ZEB2: variants seen among roughly 807,000 people sequenced by gnomAD.
ZEB2 encodes zinc finger E-box binding homeobox 2, also known as zinc finger E-box-binding homeobox 2.
A neutral mutation model predicts 99.9 loss-of-function variants in ZEB2; 6 were observed. That is an observed-to-expected ratio of 0.06 (90% CI 0.03 to 0.12). The LOEUF (loss-of-function observed/expected upper bound fraction) is 0.12. ZEB2 is among the 10% of genes least tolerant of loss of function. The pLI, the probability that ZEB2 is intolerant of heterozygous loss-of-function variation, is 1.00. For synonymous variants in ZEB2, 517 were observed against 542.5 expected, an observed-to-expected ratio of 0.95 and a Z score of 0.65; for missense variants, 969 against 1,502.8, an observed-to-expected ratio of 0.64 and a Z score of 5.87.
chr2:144,436,892 G>T (rs998505473), intron 2 of ZEB2, among the ~76,000 whole-genome samples: 1 of 152,062 alleles, frequency 6.6e-6, no homozygotes, highest in East Asian at 1.9e-4. Context: ...AAGAAGACAC[G>T]GTATTTCTAG....
chr2:144,511,793 A>T (rs1246375097), intron 2 of ZEB2: 1 of 1,286,612 alleles, frequency 7.8e-7, no homozygotes, highest in African/African-American at 1.5e-5. Flanking sequence ...TGCTAAAGAC[A>T]GAAAAGAAGT....
chr2:144,403,993 G>A lies in ZEB2; in HGVS notation c.730C>T (p.Pro244Ser), dbSNP rs730881190. ...TAGGCAAACGTGTAGCTACAGAGAG[G>A]GCAGGAAAAGTTCTCTTCATTCTTC... ...HEKNEENFSC[P>S]LCSYTFAYRT... The change falls in exon 6 of 10, where the codon CCT becomes TCT. Residue 244 changes from proline (P) to serine (S), a missense_variant. By Grantham distance (74) the Pro-to-Ser change is moderately conservative. Transcript: ENST00000627532. 1 of 1,614,084 alleles carries A rather than the reference G, an allele frequency of 6.2e-7. No individual in the cohort carries two copies. The highest frequency in any genetic ancestry group is 8.5e-7 in the Non-Finnish European group (1 of 1,180,018).
At chr2:144,408,249 A>G (rs559265345) in intron 4 of ZEB2, among the ~76,000 whole-genome samples, 3 of 152,308 alleles carry the variant, frequency 2.0e-5, no homozygotes, top group African/African-American at 7.2e-5. Flanking sequence ...TTATGGGATG[A>G]ATGTGGAATA....
intron 2 of ZEB2, among the ~76,000 whole-genome samples, chr2:144,467,506 A>G (rs1397456517): frequency 1.3e-5 from 2 of 152,186 alleles, no homozygotes; most frequent in African/African-American, 2.4e-5. Context: ...GCATCAATAT[A>G]CTAAATGTTA....
chr2:144,452,685 A>G (rs552312347), intron 2 of ZEB2, among the ~76,000 whole-genome samples: 2 of 152,112 alleles, frequency 1.3e-5, no homozygotes, highest in African/African-American at 2.4e-5. Flanking sequence ...CGCCAACCTG[A>G]TAACTCTCAC....
At chr2:144,393,383 T>G (rs967068577) in intron 9 of ZEB2, among the ~76,000 whole-genome samples, 1 of 152,222 alleles carries the variant, frequency 6.6e-6, no homozygotes, top group Non-Finnish European at 1.5e-5. Context: ...CGATTCTATA[T>G]GTAAAATTGT....
In ZEB2 at chr2:144,429,770, T is replaced by G; in HGVS notation, c.330A>C (p.Pro110=). ...NEILQASVDG[P]EEMKEDYDTM... ...GGCCAAGTGATTTTAGACACTTACC[T>G]GGACCATCTACAGAGGCTTGTAGAA... is the stretch of plus-strand genomic sequence containing the variant. The change falls in exon 3 of 10, where the codon CCA becomes CCC. Residue 110 remains proline (P), a splice_region_variant and synonymous_variant. Coordinates refer to ENST00000627532, the MANE Select transcript of ZEB2 (RefSeq NM_014795.4). 6.2e-7 allele frequency: 1 copy of G among 1,613,822 alleles called. No individual in the cohort carries two copies. The highest frequency in any genetic ancestry group is 8.5e-7 in the Non-Finnish European group (1 of 1,179,780).
intron 2 of ZEB2, chr2:144,430,487 C>T: frequency 9.9e-6 from 2 of 202,984 alleles, no homozygotes; most frequent in South Asian, 9.5e-5. Context: ...ACAGTAGACA[C>T]ACACACACAC....
intron 2 of ZEB2, among the ~76,000 whole-genome samples, chr2:144,497,470 T>C (rs892183545): frequency 5.3e-5 from 8 of 152,172 alleles, no homozygotes; most frequent in African/African-American, 1.9e-4. Context: ...AGAAAGGACC[T>C]GATGACATAC....
At chr2:144,483,148 A>ACACACACACACACACACACACATG (rs1553968381) in intron 2 of ZEB2, among the ~76,000 whole-genome samples, 1 of 144,006 alleles carries the variant, frequency 6.9e-6, no homozygotes, top group African/African-American at 2.5e-5. Flanking sequence ...ACACACACAC[A>ACACACACACACACACACACACATG]CACACACACA....
intron 6 of ZEB2, among the ~76,000 whole-genome samples, chr2:144,403,643 T>A (rs1703342678): frequency 6.6e-6 from 1 of 152,172 alleles, no homozygotes; most frequent in South Asian, 2.1e-4. Context: ...TCACTTTTTG[T>A]GGAACATAAA....
chr2:144,498,290 T>C (rs1469209274), intron 2 of ZEB2, among the ~76,000 whole-genome samples: 1 of 149,592 alleles, frequency 6.7e-6, no homozygotes, highest in African/African-American at 2.5e-5. Flanking sequence ...TCGCGCTCTA[T>C]TGACATCTGT....
At position 144,387,605 on chromosome 2, in the gene ZEB2, T is replaced by C. The variant is rs1250017841; in HGVS notation, c.*1846A>G. 2.0e-5 allele frequency: 3 copies of C among 152,198 alleles called. No homozygotes were observed. The highest frequency in any genetic ancestry group is 6.5e-5 in the Admixed American group (1 of 15,274). 9.4% of individuals were successfully genotyped at this position (152,198 alleles called of 1,614,324 possible). ...AACTATCCCAATCCTTTAAAAAAGG[T>C]TACATATTATAAATAACACTGAATA... On this transcript the variant is annotated 3_prime_UTR_variant, in exon 10 of 10. Coordinates refer to ENST00000627532, the MANE Select transcript of ZEB2 (RefSeq NM_014795.4).
Position 144,399,435 on chromosome 2 carries a change from C to T in ZEB2, c.1752G>A (p.Gln584=), listed in dbSNP as rs1184363074. Residue 584 remains glutamine, a synonymous_variant, in exon 8 of 10, where the codon CAG becomes CAA. Transcript: ENST00000627532. This position sits in a 1 kb window ranked among gnomAD's most constrained non-coding sequence, Gnocchi z 5.6. ...NHNISTPFSC[Q]FCKESFPGPI... ...GGCCAGGAAAACTTTCTTTACAGAA[C>T]TGGCATGAAAATGGAGTGGATATGT... The T allele has an allele frequency of 1.9e-6, 3 of 1,614,192 alleles. No individual in the cohort carries two copies. In the East Asian group the frequency reaches 6.7e-5, roughly 36 times the overall value.
chr2:144,500,284 A>C (rs550199089), intron 2 of ZEB2, among the ~76,000 whole-genome samples: 102 of 152,362 alleles, frequency 6.7e-4, no homozygotes, highest in African/African-American at 2.4e-3. Context: ...TGTAGATGTG[A>C]AAAAGAAGCA....
intron 2 of ZEB2, chr2:144,463,385 A>G (rs1393824839): frequency 6.6e-6 from 1 of 152,202 alleles, no homozygotes; most frequent in African/African-American, 2.4e-5. Flanking sequence ...TCATAAGAAA[A>G]AAAAAGAAAA....
chr2:144,396,908 A>G lies in ZEB2; in HGVS notation c.2887-316T>C, dbSNP rs1017754664. ...ATTTCCTTTATACCAAGAAATACCC[A>G]TAAGTGAAAATTTAACATTGAAATT... On this transcript the variant is annotated intron_variant, in intron 8 of 9. Coordinates refer to ENST00000627532, the MANE Select transcript of ZEB2 (RefSeq NM_014795.4). Among the ~76,000 whole-genome samples, 4 of 152,314 alleles carry G rather than the reference A, an allele frequency of 2.6e-5. No individual in the cohort carries two copies. In the East Asian group the frequency reaches 7.7e-4, roughly 29 times the overall value.
intron 2 of ZEB2, chr2:144,462,540 T>C (rs770821532): frequency 5.3e-5 from 8 of 152,100 alleles, no homozygotes; most frequent in Non-Finnish European, 1.2e-4. Flanking sequence ...AAAAATAGAA[T>C]AAAGTTGTGC....
At chr2:144,481,466 T>C (rs142219104) in intron 2 of ZEB2, among the ~76,000 whole-genome samples, 158 of 152,286 alleles carry the variant, frequency 1.0e-3, no homozygotes, top group Middle Eastern at 3.4e-3. Context: ...ATTGAAAAGG[T>C]AGACTAGAAA....
Sources: gnomAD v4.1 joint callset for allele counts (sites outside exome capture counted in the v4.1 genomes callset) on GRCh38, gnomAD v4.1.1 for gene constraint, Gnocchi (gnomAD v3.1) non-coding constraint, MANE v1.5 for transcripts, NCBI Gene and HGNC (gene_info 2026-07-23, HGNC 2026-07-21) for gene names.